SCMH1: variants seen among roughly 807,000 people sequenced by gnomAD.
SCMH1 encodes the protein Scm polycomb group protein homolog 1.
Under a neutral mutation model 70.8 loss-of-function variants are expected in SCMH1, and 37 were observed. That is an observed-to-expected ratio of 0.52 (90% CI 0.40 to 0.69). The LOEUF is 0.69. Ranked by LOEUF, SCMH1 falls within the 30% of genes least tolerant of loss-of-function variation. SCMH1 has a pLI of 0.00. For synonymous variants in SCMH1, 292 were observed against 307.4 expected, an observed-to-expected ratio of 0.95 and a Z score of 0.52; for missense variants, 607 against 827.3, an observed-to-expected ratio of 0.73 and a Z score of 3.27.
At chr1:41,153,939 G>A (rs1264839883) in intron 4 of SCMH1, among the ~76,000 whole-genome samples, 1 of 152,184 alleles carries the variant, frequency 6.6e-6, no homozygotes, top group African/African-American at 2.4e-5. Context: ...CAAGTCTTCT[G>A]TTAAGGACAA....
intron 9 of SCMH1, among the ~76,000 whole-genome samples, chr1:41,073,365 G>C (rs937070361): frequency 1.3e-5 from 2 of 152,104 alleles, no homozygotes; most frequent in Non-Finnish European, 2.9e-5. Context: ...TCCCTCTTCT[G>C]ACTGTCCTCA....
chr1:41,061,588 G>A (rs1311493471), intron 10 of SCMH1, among the ~76,000 whole-genome samples: 1 of 152,066 alleles, frequency 6.6e-6, no homozygotes, highest in East Asian at 1.9e-4. Context: ...GGCAAAAACA[G>A]GCAGACCTGC....
At chr1:41,143,500 A>C (rs1049590236) in intron 5 of SCMH1, among the ~76,000 whole-genome samples, 1 of 152,154 alleles carries the variant, frequency 6.6e-6, no homozygotes. Context: ...GGAATATTTC[A>C]GTATATTGGT....
rs1656084673 is a variant in SCMH1 at position 41,070,465 on chromosome 1, A to G, written c.1105+130T>C. The G allele has an allele frequency of 6.5e-6, 8 of 1,229,370 alleles. No individual in the cohort carries two copies. The East Asian group carries it at 2.1e-4, about 32-fold the overall frequency. 76.2% of individuals were successfully genotyped at this position (1,229,370 alleles called of 1,614,324 possible). ...TCTGACATTATTTCAAATGCCAAAG[A>G]TAAAATTTTTTAAAAATATTTTACC... is the stretch of plus-strand genomic sequence containing the variant. On this transcript the variant is annotated intron_variant, in intron 10 of 14. Transcript: ENST00000337495.
intron 1 of SCMH1, among the ~76,000 whole-genome samples, chr1:41,195,871 G>A (rs76392137): frequency 1.1e-4 from 17 of 152,154 alleles, no homozygotes; most frequent in East Asian, 3.9e-4. Flanking sequence ...GCAAAGTTGC[G>A]GGATACAAAG....
At chr1:41,211,887 A>G (rs1273915875) in intron 1 of SCMH1, among the ~76,000 whole-genome samples, 1 of 152,192 alleles carries the variant, frequency 6.6e-6, no homozygotes, top group African/African-American at 2.4e-5. Flanking sequence ...GAAGCTGGAA[A>G]CCATAATTCT....
chr1:41,227,023 TC>T (rs1375658321), intron 1 of SCMH1, among the ~76,000 whole-genome samples: 1 of 152,138 alleles, frequency 6.6e-6, no homozygotes, highest in African/African-American at 2.4e-5. Flanking sequence ...TAGTTCTGCA[TC>T]CCCATCCCCC....
intron 8 of SCMH1, among the ~76,000 whole-genome samples, chr1:41,111,928 T>C (rs533087665): frequency 6.6e-6 from 1 of 152,332 alleles, no homozygotes; most frequent in South Asian, 2.1e-4. Context: ...ATTGTGGTAA[T>C]GGTTTCATGG....
intron 8 of SCMH1, among the ~76,000 whole-genome samples, chr1:41,093,371 T>C (rs1449873192): frequency 2.4e-5 from 2 of 83,820 alleles, no homozygotes; most frequent in African/African-American, 4.5e-5. Flanking sequence ...GGGGCTGTCA[T>C]GGGGTGGGGG....
intron 8 of SCMH1, among the ~76,000 whole-genome samples, chr1:41,099,428 C>A (rs1431059931): frequency 6.6e-6 from 1 of 152,186 alleles, no homozygotes; most frequent in East Asian, 1.9e-4. Flanking sequence ...GAGACTTACA[C>A]TTCATAATTC....
rs569906376 is a variant in SCMH1 at position 41,235,789 on chromosome 1, T to C, written c.-118+6270A>G. ...CTTAATTTGGTATTTATAATTATCA[T>C]GTATTTCTTTATTACATAAGTATGC... On this transcript the variant is annotated intron_variant, in intron 1 of 14. Coordinates refer to ENST00000337495, the Ensembl canonical transcript of SCMH1. Among the ~76,000 whole-genome samples the C allele has an allele frequency of 5.9e-5, 9 of 152,268 alleles. No homozygotes were observed. In the East Asian group the frequency reaches 1.3e-3, roughly 23 times the overall value.
At chr1:41,029,578 C>T (rs987229516) in intron 13 of SCMH1, among the ~76,000 whole-genome samples, 1 of 152,216 alleles carries the variant, frequency 6.6e-6, no homozygotes, top group Non-Finnish European at 1.5e-5. Context: ...TCAATTTTGA[C>T]TCAGATATAA....
chr1:41,180,660 A>G (rs1029547693), intron 2 of SCMH1, among the ~76,000 whole-genome samples: 2 of 152,230 alleles, frequency 1.3e-5, no homozygotes, highest in Non-Finnish European at 2.9e-5. Flanking sequence ...GGAGCTCTTT[A>G]AGGAGAACTA....
intron 2 of SCMH1, among the ~76,000 whole-genome samples, chr1:41,177,470 G>A (rs1647290953): frequency 6.6e-6 from 1 of 152,036 alleles, no homozygotes; most frequent in Non-Finnish European, 1.5e-5. Context: ...CGAACCCATG[G>A]CAAAGAAGCT....
At chr1:41,149,861 A>T (rs1048833837) in intron 5 of SCMH1, among the ~76,000 whole-genome samples, 1 of 152,156 alleles carries the variant, frequency 6.6e-6, no homozygotes, top group East Asian at 1.9e-4. Flanking sequence ...ATCCTTTCAG[A>T]TAGTTTTTTC....
intron 13 of SCMH1, 60 bp downstream of exon 14, chr1:41,033,923 G>A: frequency 6.2e-7 from 1 of 1,611,236 alleles, no homozygotes; most frequent in Non-Finnish European, 8.5e-7. Context: ...CTATCACAAA[G>A]TACTCTTCTC....
chr1:41,197,220 G>A (rs952229002), intron 1 of SCMH1, among the ~76,000 whole-genome samples: 2 of 152,110 alleles, frequency 1.3e-5, no homozygotes, highest in African/African-American at 4.8e-5. Context: ...ACTGAAAGCA[G>A]GGATTCAAAC....
At chr1:41,092,447 C>T (rs1194336303) in intron 8 of SCMH1, among the ~76,000 whole-genome samples, 1 of 152,172 alleles carries the variant, frequency 6.6e-6, no homozygotes, top group Non-Finnish European at 1.5e-5. Context: ...CAATACCATT[C>T]AGGACATAGG....
intron 5 of SCMH1, 117 bp downstream of exon 5, chr1:41,151,497 T>G: frequency 1.5e-6 from 1 of 666,742 alleles, no homozygotes; most frequent in Non-Finnish European, 2.5e-6. Context: ...CCATAGAAGT[T>G]TATTCTGGGG....
Sources: gnomAD v4.1 joint callset for allele counts (sites outside exome capture counted in the v4.1 genomes callset) on GRCh38, gnomAD v4.1.1 for gene constraint, MANE v1.5 for transcripts, NCBI Gene and HGNC (gene_info 2026-07-23, HGNC 2026-07-21) for gene names.